The following NKAIN3 variants were observed in gnomAD, a reference collection of about 807,000 sequenced individuals.
NKAIN3 encodes the protein sodium/potassium transporting ATPase interacting 3.
NKAIN3 carries 25 observed loss-of-function variants against 30.2 expected under a neutral mutation model. That is an observed-to-expected ratio of 0.83 (90% CI 0.60 to 1.16). NKAIN3 has a LOEUF of 1.16. Among genes scored for constraint, NKAIN3 ranks in the 50% most tolerant of loss-of-function variants. The pLI, the probability that NKAIN3 is intolerant of heterozygous loss-of-function variation, is 0.00. For missense variants in NKAIN3, 225 were observed against 254.1 expected (o/e 0.89, Z 0.78); for synonymous variants, 91 against 89.6 (o/e 1.02, Z -0.09).
intron 1 of NKAIN3, among the ~76,000 whole-genome samples, chr8:62,258,687 G>C (rs374790727): frequency 6.6e-6 from 1 of 151,594 alleles, no homozygotes; most frequent in African/African-American, 2.4e-5. Flanking sequence ...AAAAGAATAA[G>C]GTTTACAAGC....
intron 4 of NKAIN3, among the ~76,000 whole-genome samples, chr8:62,905,108 A>C (rs549028500): frequency 6.6e-6 from 1 of 152,316 alleles, no homozygotes; most frequent in South Asian, 2.1e-4. Context: ...GACTGTTCAG[A>C]CTAGAGATGG....
chr8:62,607,859 A>G (rs1811174658), intron 3 of NKAIN3, among the ~76,000 whole-genome samples: 1 of 152,244 alleles, frequency 6.6e-6, no homozygotes, highest in East Asian at 1.9e-4. Context: ...CATTTTCTGA[A>G]TGTTACCAAA....
At chr8:62,950,087 C>A (rs4739028) in intron 5 of NKAIN3, among the ~76,000 whole-genome samples, 10,078 of 152,224 alleles carry the variant, frequency 0.066, 584 homozygotes, top group East Asian at 0.28. Flanking sequence ...ACTTTCTTAT[C>A]AGTGTAATAT....
intron 4 of NKAIN3, among the ~76,000 whole-genome samples, chr8:62,916,609 A>C (rs1253956134): frequency 6.6e-6 from 1 of 152,116 alleles, no homozygotes; most frequent in Non-Finnish European, 1.5e-5. Flanking sequence ...TTAGCTCCTC[A>C]GAGATATTAA....
At chr8:62,627,974 T>C (rs1156603001) in intron 3 of NKAIN3, among the ~76,000 whole-genome samples, 2 of 152,128 alleles carry the variant, frequency 1.3e-5, no homozygotes, top group African/African-American at 4.8e-5. Flanking sequence ...CCAACAGGCC[T>C]TCTTCCTGGC....
At chr8:62,504,839 G>A (rs1161949542) in intron 1 of NKAIN3, among the ~76,000 whole-genome samples, 2 of 152,096 alleles carry the variant, frequency 1.3e-5, no homozygotes, top group Non-Finnish European at 2.9e-5. Context: ...TTCTCTTTCT[G>A]CTCTAGTAAC....
intron 1 of NKAIN3, among the ~76,000 whole-genome samples, chr8:62,382,541 A>T (rs527336721): frequency 6.6e-6 from 1 of 152,268 alleles, no homozygotes; most frequent in South Asian, 2.1e-4. Context: ...TTATACCAAC[A>T]TTTCTTCCAC....
At chr8:62,374,113 CAAAAAAAA>C (rs66521184) in intron 1 of NKAIN3, among the ~76,000 whole-genome samples, 5 of 64,332 alleles carry the variant, frequency 7.8e-5, no homozygotes, top group African/African-American at 1.4e-4. Flanking sequence ...ACTCCATCTC[CAAAAAAAA>C]AAAAAAAAAA....
chr8:62,583,074 T>G (rs1189459270), intron 2 of NKAIN3, among the ~76,000 whole-genome samples: 1 of 152,134 alleles, frequency 6.6e-6, no homozygotes, highest in Non-Finnish European at 1.5e-5. Context: ...ACCTCTAGAG[T>G]GTCTTGAGTA....
At chr8:62,658,518 T>C (rs1812835503) in intron 3 of NKAIN3, among the ~76,000 whole-genome samples, 1 of 152,200 alleles carries the variant, frequency 6.6e-6, no homozygotes, top group African/African-American at 2.4e-5. Flanking sequence ...CCCATTCATA[T>C]ATTATGATGG....
intron 1 of NKAIN3, among the ~76,000 whole-genome samples, chr8:62,385,769 T>G (rs986816860): frequency 7.9e-5 from 12 of 152,168 alleles, no homozygotes; most frequent in East Asian, 1.9e-4. Context: ...TCCAGAATGG[T>G]GTATAAATGG....
intron 1 of NKAIN3, among the ~76,000 whole-genome samples, chr8:62,449,926 T>A (rs565746572): frequency 2.6e-5 from 4 of 152,274 alleles, no homozygotes; most frequent in Admixed American, 6.5e-5. Flanking sequence ...AAGGTAAACA[T>A]GTATGCATAA....
chr8:62,698,664 A>G (rs544365835), intron 3 of NKAIN3, among the ~76,000 whole-genome samples: 1 of 152,284 alleles, frequency 6.6e-6, no homozygotes, highest in South Asian at 2.1e-4. Context: ...CTAAATAACA[A>G]TTTGATAGAT....
At chr8:62,595,285 C>T (rs936853841) in intron 3 of NKAIN3, among the ~76,000 whole-genome samples, 4 of 151,666 alleles carry the variant, frequency 2.6e-5, no homozygotes, top group African/African-American at 4.8e-5. Context: ...AATTTCTTCT[C>T]CAAAAAGCAT....
chr8:62,724,020 C>A (rs1815178821), intron 3 of NKAIN3, among the ~76,000 whole-genome samples: 1 of 152,010 alleles, frequency 6.6e-6, no homozygotes. Context: ...TGTTATAGGA[C>A]TAATGATTTC....
chr8:62,898,551 A>G (rs1821508335), intron 4 of NKAIN3, among the ~76,000 whole-genome samples: 1 of 152,086 alleles, frequency 6.6e-6, no homozygotes, highest in South Asian at 2.1e-4. Context: ...GATATTGGAG[A>G]CTCAGAAGGG....
At chr8:62,742,518 T>C (rs556974634) in intron 3 of NKAIN3, among the ~76,000 whole-genome samples, 3 of 152,180 alleles carry the variant, frequency 2.0e-5, no homozygotes, top group Non-Finnish European at 4.4e-5. Context: ...AGTGGAACAT[T>C]TTGGGGTGGC....
intron 1 of NKAIN3, among the ~76,000 whole-genome samples, chr8:62,363,028 A>G (rs1816615598): frequency 6.6e-6 from 1 of 152,196 alleles, no homozygotes. Context: ...CTATTAAGTT[A>G]GGTTGCAGTT....
chr8:62,436,487 T>C (rs1180603487), intron 1 of NKAIN3, among the ~76,000 whole-genome samples: 3 of 152,198 alleles, frequency 2.0e-5, no homozygotes, highest in Non-Finnish European at 2.9e-5. Context: ...CTTGTCAGTT[T>C]AAGTGGTTAT....
Sources: gnomAD v4.1 joint callset for allele counts (sites outside exome capture counted in the v4.1 genomes callset) on GRCh38, gnomAD v4.1.1 for gene constraint, MANE v1.5 for transcripts, NCBI Gene and HGNC (gene_info 2026-07-23, HGNC 2026-07-21) for gene names.